The following PTK2 variants were observed in gnomAD, a reference collection of about 807,000 sequenced individuals.
PTK2 encodes protein tyrosine kinase 2, also known as focal adhesion kinase 1.
Under a neutral mutation model 150.1 loss-of-function variants are expected in PTK2, and 45 were observed. The observed-to-expected ratio is 0.30, with a 90% CI of 0.24 to 0.38. The LOEUF (loss-of-function observed/expected upper bound fraction) is 0.38. PTK2 is among the 10% of genes least tolerant of loss of function. The pLI, the probability that PTK2 is intolerant of heterozygous loss-of-function variation, is 1.00. For synonymous variants in PTK2, 432 were observed against 449.2 expected (o/e 0.96, Z 0.48); for missense variants, 919 against 1,307.3 (o/e 0.70, Z 4.58).
chr8:140,795,469 G>T (rs1008213744), intron 12 of PTK2, among the ~76,000 whole-genome samples: 1 of 152,016 alleles, frequency 6.6e-6, no homozygotes, highest in African/African-American at 2.4e-5. Flanking sequence ...CACCCCTTCA[G>T]GTGCGACTCT....
chr8:140,753,250 C>T (rs2100063818), intron 16 of PTK2, among the ~76,000 whole-genome samples: 1 of 152,248 alleles, frequency 6.6e-6, no homozygotes, highest in Admixed American at 6.5e-5. Context: ...TCTGGTTATA[C>T]TCTGAAGCTA....
intron 5 of PTK2, among the ~76,000 whole-genome samples, chr8:140,854,502 AAAAC>A (rs2100131316): frequency 6.6e-6 from 1 of 152,232 alleles, no homozygotes; most frequent in Non-Finnish European, 1.5e-5. Context: ...ATTCCGGGGT[AAAAC>A]AAACTGTTCC....
chr8:140,975,532 C>G (rs894714722), intron 1 of PTK2, among the ~76,000 whole-genome samples: 1 of 152,122 alleles, frequency 6.6e-6, no homozygotes, highest in Non-Finnish European at 1.5e-5. Flanking sequence ...GTCACCACAT[C>G]TAGTCCACAG....
intron 4 of PTK2, among the ~76,000 whole-genome samples, chr8:140,871,087 A>G (rs78944233): frequency 6.6e-6 from 1 of 152,230 alleles, no homozygotes; most frequent in Admixed American, 6.5e-5. Context: ...ATTAAAAACA[A>G]CAAAGAAAAG....
At chr8:140,992,657 G>GTGAA (rs774043697) in intron 1 of PTK2, among the ~76,000 whole-genome samples, 1 of 152,206 alleles carries the variant, frequency 6.6e-6, no homozygotes, top group Non-Finnish European at 1.5e-5. Context: ...CGTGAACAGT[G>GTGAA]TGAATGAGTT....
chr8:140,722,938 TCAGGCAATGTTATTTCA>T (rs1233791164), intron 22 of PTK2, among the ~76,000 whole-genome samples: 1 of 152,194 alleles, frequency 6.6e-6, no homozygotes, highest in Non-Finnish European at 1.5e-5. Flanking sequence ...TGGGTTCTCA[TCAGGCAATGTTATTTCA>T]CACAGATTGT....
At chr8:140,679,045 G>T in intron 27 of PTK2, among the ~76,000 whole-genome samples, 2 of 76,492 alleles carry the variant, frequency 2.6e-5, no homozygotes, top group East Asian at 6.2e-4. Context: ...TTTTTTTTGA[G>T]ACGGACTCTT....
At chr8:140,748,901 A>G (rs2100061139) in intron 17 of PTK2, among the ~76,000 whole-genome samples, 1 of 152,248 alleles carries the variant, frequency 6.6e-6, no homozygotes, top group South Asian at 2.1e-4. Context: ...ACCTGATTTC[A>G]CAGACTATAA....
chr8:140,719,660 G>A (rs1469660032), intron 22 of PTK2, among the ~76,000 whole-genome samples: 1 of 152,134 alleles, frequency 6.6e-6, no homozygotes, highest in African/African-American at 2.4e-5. Context: ...TGTTAACTTT[G>A]CTAACTTGCT....
At chr8:140,743,157 T>G in intron 20 of PTK2, 73 bp downstream of exon 23, 1 of 1,030,430 alleles carries the variant, frequency 9.7e-7, no homozygotes, top group Non-Finnish European at 1.5e-6. Flanking sequence ...GGTGAGCATA[T>G]TAGAACATAC....
intron 29 of PTK2, 47 bp from the exon 34 acceptor site, chr8:140,668,471 G>C: frequency 1.3e-6 from 2 of 1,561,166 alleles, no homozygotes; most frequent in Non-Finnish European, 1.7e-6. Flanking sequence ...AGCAGATGGC[G>C]TGAGATCACC....
chr8:140,892,447 G>T lies in PTK2; in HGVS notation c.-32-1678C>A, dbSNP rs143843074. Among the ~76,000 whole-genome samples, 941 of 152,016 alleles carry T rather than the reference G, an allele frequency of 6.2e-3. 14 individuals carry two copies. The highest frequency in any genetic ancestry group is 0.021 in the African/African-American group (864 of 41,452). Reference sequence around the variant, plus strand: ...GCTACTTGGGAGGCTGAGGGGGGAGGATCACTTGAGCCCAAGAGGGGAAGG... The same window carrying T: ...GCTACTTGGGAGGCTGAGGGGGGAGTATCACTTGAGCCCAAGAGGGGAAGG... On this transcript the variant is annotated intron_variant, in intron 2 of 31. Transcript: ENST00000522684.
chr8:140,710,914 G>C lies in PTK2; in HGVS notation c.2143-4709C>G, dbSNP rs950693540. Among the ~76,000 whole-genome samples, 3 of 152,202 alleles carry C rather than the reference G, an allele frequency of 2.0e-5. No homozygotes were observed. In the South Asian group the frequency reaches 6.2e-4, roughly 32 times the overall value. ...GCAATGAGAAGGACAGGCCTGAACA[G>C]CAGGATTTGTTTCATATCCCGCGGG... On this transcript the variant is annotated intron_variant, in intron 23 of 31. Transcript: ENST00000522684.
At chr8:140,697,504 G>T (rs1301286679) in intron 26 of PTK2, among the ~76,000 whole-genome samples, 1 of 151,272 alleles carries the variant, frequency 6.6e-6, no homozygotes, top group Admixed American at 6.6e-5. Context: ...GCAGTGGCAC[G>T]ATCTTGGCTT....
rs571852675 is a variant in PTK2 at position 140,830,306 on chromosome 8, C to T, written c.648+166G>A. Among the ~76,000 whole-genome samples, 22 of 152,224 alleles carry T rather than the reference C, an allele frequency of 1.4e-4. No individual in the cohort carries two copies. In the South Asian group the frequency reaches 4.0e-3, roughly 27 times the overall value. On this transcript the variant is annotated intron_variant, in intron 8 of 31. Transcript: ENST00000522684. ...TTATGGGAGAAAGCTATACTAAAAA[C>T]CTATTTGCCATTAATGTGACTAGAA... is the stretch of plus-strand genomic sequence containing the variant.
intron 1 of PTK2, among the ~76,000 whole-genome samples, chr8:140,958,264 A>G (rs1332124506): frequency 6.6e-6 from 1 of 152,116 alleles, no homozygotes. Flanking sequence ...CAGCCTCCTG[A>G]GTAGCTGGGA....
At chr8:140,662,480 C>T (rs1299129982) in intron 31 of PTK2, among the ~76,000 whole-genome samples, 1 of 152,118 alleles carries the variant, frequency 6.6e-6, no homozygotes, top group Non-Finnish European at 1.5e-5. Context: ...TGGAACTTCT[C>T]CACTTTGGGG....
At chr8:140,804,625 ACATTT>A (rs1347695946) in intron 10 of PTK2, among the ~76,000 whole-genome samples, 2 of 152,190 alleles carry the variant, frequency 1.3e-5, no homozygotes, top group Non-Finnish European at 2.9e-5. Context: ...AGATTCCTAT[ACATTT>A]CTTCAAAACA....
At chr8:140,952,507 A>G (rs919932926) in intron 1 of PTK2, among the ~76,000 whole-genome samples, 1 of 152,338 alleles carries the variant, frequency 6.6e-6, no homozygotes, top group South Asian at 2.1e-4. Flanking sequence ...TAACACCTAG[A>G]AATAGATTTG....
Sources: allele counts gnomAD v4.1 joint callset (sites outside exome capture counted in the v4.1 genomes callset), GRCh38; gene constraint gnomAD v4.1.1; transcripts MANE v1.5; gene names NCBI Gene and HGNC (gene_info 2026-07-23, HGNC 2026-07-21).